The following FAM185A variants were observed in gnomAD, a reference collection of about 807,000 sequenced individuals.
FAM185A encodes the protein family with sequence similarity 185 member A.
Under a neutral mutation model 45.7 loss-of-function variants are expected in FAM185A, and 21 were observed. The ratio of observed to expected loss-of-function variants is 0.46; its 90% CI spans 0.33 to 0.66. The LOEUF is 0.66. Ranked by LOEUF, FAM185A falls within the 30% of genes least tolerant of loss-of-function variation. FAM185A has a pLI of 0.03. For missense variants in FAM185A, 305 were observed against 485.4 expected, an observed-to-expected ratio of 0.63 and a Z score of 3.49; for synonymous variants, 117 against 194.0, an observed-to-expected ratio of 0.60 and a Z score of 3.30.
chr7:102,784,814 T>C (rs1348865750), intron 6 of FAM185A, among the ~76,000 whole-genome samples: 1 of 152,188 alleles, frequency 6.6e-6, no homozygotes, highest in Non-Finnish European at 1.5e-5. Context: ...TTCAACATAG[T>C]GTTGGAAGTT....
chr7:102,836,310 T>C, the FAM185A span, among the ~76,000 whole-genome samples: 3 of 152,234 alleles, frequency 2.0e-5, no homozygotes, highest in African/African-American at 7.2e-5. Context: ...CAGTGGCAGA[T>C]TGGCGAACTA....
chr7:102,833,024 A>G, the FAM185A span: 1 of 1,599,016 alleles, frequency 6.3e-7, no homozygotes. Flanking sequence ...GTCATCTAGA[A>G]CTGTCTTACT....
At chr7:102,813,754 C>G (rs1253021928), downstream of FAM185A, among the ~76,000 whole-genome samples, 1 of 152,272 alleles carries the variant, frequency 6.6e-6, no homozygotes, top group Non-Finnish European at 1.5e-5. Flanking sequence ...TTAACAGATA[C>G]AGTGAATGGG....
chr7:102,794,562 TA>T (rs1395509310), intron 7 of FAM185A, among the ~76,000 whole-genome samples: 2 of 152,068 alleles, frequency 1.3e-5, no homozygotes, highest in Non-Finnish European at 2.9e-5. Flanking sequence ...GGTGGGAATG[TA>T]AAATGATACA....
In FAM185A at chr7:102,749,473, C is replaced by G. The variant is rs1793204226; in HGVS notation, c.266C>G (p.Pro89Arg). Residue 89 changes from proline (P) to arginine (R), a missense_variant, in exon 1 of 8, where the codon CCC becomes CGC. By Grantham distance (103) the Pro-to-Arg change is moderately radical. Coordinates refer to ENST00000413034, the MANE Select transcript of FAM185A (RefSeq NM_001145268.2). ...CTCCCGTGCCACCTGGCCGTGAGGCCCCTGGACCCCCTCACCTACCCGGAT... is the reference window on the plus strand; with the variant it reads ...CTCCCGTGCCACCTGGCCGTGAGGCGCCTGGACCCCCTCACCTACCCGGAT... ...ARLPCHLAVR[P>R]LDPLTYPDGD... The G allele has an allele frequency of 1.3e-6, 2 of 1,545,604 alleles. No homozygotes were observed. Among genetic ancestry groups the G allele is most frequent in the Non-Finnish European group, 1.7e-6 (2 of 1,145,074 alleles).
At chr7:102,840,927 GA>G in the FAM185A span, among the ~76,000 whole-genome samples, 2 of 152,186 alleles carry the variant, frequency 1.3e-5, no homozygotes, top group East Asian at 3.8e-4. Context: ...CTGTGAACCA[GA>G]GAGATCCTGG....
the FAM185A span, among the ~76,000 whole-genome samples, chr7:102,840,821 G>T: frequency 6.6e-6 from 1 of 152,130 alleles, no homozygotes; most frequent in Non-Finnish European, 1.5e-5. Context: ...AGAGGAGAAA[G>T]AAAATAACTG....
At chr7:102,781,047 C>T (rs1467915239) in intron 6 of FAM185A, among the ~76,000 whole-genome samples, 1 of 152,158 alleles carries the variant, frequency 6.6e-6, no homozygotes, top group African/African-American at 2.4e-5. Flanking sequence ...CCTATGCCCA[C>T]GGAGCCTCGC....
intron 3 of FAM185A, among the ~76,000 whole-genome samples, chr7:102,758,426 GCTTTTTTTTTTTT>G (rs1307411397): frequency 1.5e-4 from 14 of 95,864 alleles, no homozygotes; most frequent in Non-Finnish European, 1.8e-4. Flanking sequence ...TGCTCTCACA[GCTTTTTTTTTTTT>G]TTTTTTTTTT....
intron 7 of FAM185A, among the ~76,000 whole-genome samples, chr7:102,804,185 C>G (rs1796963930): frequency 6.6e-6 from 1 of 152,114 alleles, no homozygotes; most frequent in African/African-American, 2.4e-5. Flanking sequence ...GAAAACAATT[C>G]TAAAATTCAT....
chr7:102,842,226 C>A, the FAM185A span, among the ~76,000 whole-genome samples: 1 of 152,204 alleles, frequency 6.6e-6, no homozygotes, highest in African/African-American at 2.4e-5. Flanking sequence ...GGAAAGGAGT[C>A]CTCCGTTGCT....
intron 7 of FAM185A, among the ~76,000 whole-genome samples, chr7:102,792,665 G>A (rs1796205230): frequency 7.7e-6 from 1 of 129,440 alleles, no homozygotes; most frequent in African/African-American, 3.0e-5. Flanking sequence ...ACGGATTGGT[G>A]TTTGTCATTG....
chr7:102,794,035 C>CAAAAAAAA (rs765672577), intron 7 of FAM185A, among the ~76,000 whole-genome samples: 5 of 60,594 alleles, frequency 8.3e-5, no homozygotes, highest in Admixed American at 1.8e-4. Flanking sequence ...GACTCTGTCT[C>CAAAAAAAA]AAAAAAAAAA....
At chr7:102,793,982 G>A (rs1796292992) in intron 7 of FAM185A, among the ~76,000 whole-genome samples, 1 of 145,898 alleles carries the variant, frequency 6.9e-6, no homozygotes, top group African/African-American at 2.6e-5. Context: ...AGAGATTGCA[G>A]TGAGCCGAGA....
Position 102,751,800 on chromosome 7 carries a change from A to G in FAM185A, c.560A>G (p.Lys187Arg). Residue 187 changes from lysine (K) to arginine (R), a missense_variant and splice_region_variant, in exon 2 of 8, where the codon AAG (lysine) becomes AGG (arginine). Lys to Arg is a conservative substitution (Grantham distance 26). Around this residue, in one of 5 missense-constraint regions of FAM185A, gnomAD observed 174 missense variants for 247.1 expected, o/e 0.70. Transcript: ENST00000413034. The part of the protein sequence containing the change: ...EHGTSILQSV[K>R]GQKLHVQTKG... ...GGGACTAGTATCTTGCAGTCTGTTA[A>G]GGTATAGCATTTTTCTAATTTTATT... The G allele has an allele frequency of 6.6e-7, 1 of 1,523,080 alleles. No individual in the cohort carries two copies. The highest frequency in any genetic ancestry group is 1.3e-5 in the South Asian group (1 of 78,906). The allele number at this position is 1,523,080 out of a possible 1,614,324, so 94.3% of individuals were successfully genotyped here. A position where few individuals can be genotyped will look rare whatever the true frequency, so the allele number is the denominator to read the frequency against.
chr7:102,805,212 GAA>G (rs890518430), intron 7 of FAM185A, among the ~76,000 whole-genome samples: 1 of 152,116 alleles, frequency 6.6e-6, no homozygotes, highest in African/African-American at 2.4e-5. Flanking sequence ...GTCATTGTAC[GAA>G]AAAGATACTT....
At chr7:102,810,113 G>A (rs1041258463), downstream of FAM185A, among the ~76,000 whole-genome samples, 2 of 152,112 alleles carry the variant, frequency 1.3e-5, no homozygotes, top group African/African-American at 2.4e-5. Flanking sequence ...ATTAAACCTC[G>A]TGAGTCAATT....
intron 4 of FAM185A, among the ~76,000 whole-genome samples, chr7:102,761,788 C>G (rs574050746): frequency 6.6e-6 from 1 of 152,054 alleles, no homozygotes; most frequent in South Asian, 2.1e-4. Context: ...CCCAACCTCC[C>G]GAGAAGCTGG....
chr7:102,788,150 A>G lies in FAM185A; in HGVS notation c.1066+681A>G, dbSNP rs1332757925. ...CGGCTAATTTTTTTTTGTATTTGTAATAGAGACAGGGTTTTACCATGTTGG... is the reference window on the plus strand; with the variant it reads ...CGGCTAATTTTTTTTTGTATTTGTAGTAGAGACAGGGTTTTACCATGTTGG... On this transcript the variant is annotated intron_variant, in intron 7 of 7. Coordinates refer to ENST00000413034, the MANE Select transcript of FAM185A (RefSeq NM_001145268.2). Among the ~76,000 whole-genome samples, 3 of 151,878 alleles carry G rather than the reference A, an allele frequency of 2.0e-5. No individual in the cohort carries two copies. The East Asian group carries it at 5.8e-4, about 29-fold the overall frequency.
Sources: allele counts gnomAD v4.1 joint callset (sites outside exome capture counted in the v4.1 genomes callset), GRCh38; gene constraint gnomAD v4.1.1; regional missense constraint gnomAD v4.1.1; transcripts MANE v1.5; gene names NCBI Gene and HGNC (gene_info 2026-07-23, HGNC 2026-07-21).